Variants in SEPTIN10 observed in about 807,000 individuals in gnomAD.
SEPTIN10 encodes the protein septin 10.
In SEPTIN10, 66 loss-of-function variants were observed where a neutral mutation model predicts 54.8. The observed-to-expected ratio is 1.21, with a 90% confidence interval of 0.99 to 1.48. The LOEUF is 1.48. SEPTIN10 is among the 40% of genes most tolerant of loss of function. SEPTIN10 has a pLI of 0.00. For missense variants in SEPTIN10, 620 were observed against 545.6 expected (o/e 1.14, Z -1.36); for synonymous variants, 161 against 181.0 (o/e 0.89, Z 0.89).
intron 10 of SEPTIN10, chr2:109,545,778 T>C (rs1374081739): frequency 1.4e-6 from 2 of 1,428,304 alleles, no homozygotes; most frequent in South Asian, 1.6e-5. Context: ...CCCAGCTAAC[T>C]GATCCTTTTC....
rs541935651 is a variant in SEPTIN10 at position 109,609,019 on chromosome 2, TCTC to T, written c.30+4776_30+4778del. On this transcript the variant is annotated intron_variant, in intron 1 of 10. Transcript: ENST00000397712. Reference sequence around the variant, plus strand: ...GATTATAAAAATTTAAGAGCATCCTTCTCCTTCTTTCCCACAGACCAAAATATA... The same window carrying T: ...GATTATAAAAATTTAAGAGCATCCTTCTTCTTTCCCACAGACCAAAATATA... Among the ~76,000 whole-genome samples the T allele has an allele frequency of 2.7e-4, 41 of 152,326 alleles. No individual in the cohort carries two copies. The East Asian group carries it at 6.7e-3, about 25-fold the overall frequency.
rs1322795233 is a variant in SEPTIN10, at chr2:109,543,174, C to A, written c.*1135G>T. 6.6e-6 allele frequency: 1 copy of A among 152,494 alleles called. No individual in the cohort carries two copies. Among genetic ancestry groups the A allele is most frequent in the Non-Finnish European group, 1.5e-5 (1 of 68,006 alleles). 9.4% of individuals were successfully genotyped at this position (152,494 alleles called of 1,614,324 possible). A position where few individuals can be genotyped will look rare whatever the true frequency, so the allele number is the denominator to read the frequency against. ...ATATGAATTATGTGCATTTTTATAT[C>A]TTTAATATTCAGATGTTCATAGTTA... On this transcript the variant is annotated 3_prime_UTR_variant, in exon 11 of 11. Transcript: ENST00000397712.
rs141337868 is a variant in SEPTIN10, at chr2:109,564,233, T to A, written c.1028+133A>T. On this transcript the variant is annotated intron_variant, in intron 8 of 10. Transcript: ENST00000397712. The stretch of plus-strand genomic sequence containing the variant: ...GTGATTCAAGAAGCACAATAATTAG[T>A]CATTACCAAATGATTCTATATCATG... 1.0e-4 allele frequency: 81 copies of A among 775,438 alleles called. No individual in the cohort carries two copies. The East Asian group carries it at 2.4e-3, about 23-fold the overall frequency. 48.0% of individuals were successfully genotyped at this position (775,438 alleles called of 1,614,324 possible). A position where few individuals can be genotyped will look rare whatever the true frequency, so the allele number is the denominator to read the frequency against.
chr2:109,548,081 A>G (rs1681779963), intron 9 of SEPTIN10, among the ~76,000 whole-genome samples: 1 of 152,190 alleles, frequency 6.6e-6, no homozygotes, highest in Admixed American at 6.5e-5. Context: ...TAATGAGAGG[A>G]AATACAGATG....
At chr2:109,569,610 C>A (rs893120544) in intron 5 of SEPTIN10, among the ~76,000 whole-genome samples, 1 of 152,034 alleles carries the variant, frequency 6.6e-6, no homozygotes, top group Admixed American at 6.5e-5. Context: ...TTCCAGCAAT[C>A]CTAAGTAAAC....
chr2:109,548,399 G>A (rs891312362), intron 9 of SEPTIN10, among the ~76,000 whole-genome samples: 2 of 152,158 alleles, frequency 1.3e-5, no homozygotes, highest in African/African-American at 2.4e-5. Context: ...AGAAAAAGAC[G>A]ACATAGCTGG....
In SEPTIN10 at chr2:109,564,128, C is replaced by T. The variant is rs146645106; in HGVS notation, c.1028+238G>A. 1,012 of 378,152 alleles carry T rather than the reference C, an allele frequency of 2.7e-3. 6 individuals carry two copies. Among genetic ancestry groups the T allele is most frequent in the African/African-American group, 0.019 (910 of 48,338 alleles). The allele number at this position is 378,152 out of a possible 1,614,324, so 23.4% of individuals were successfully genotyped here. A position where few individuals can be genotyped will look rare whatever the true frequency, so the allele number is the denominator to read the frequency against. ...ACTGAAACAGGGGGCCTCTGCCATA[C>T]ATTCTTCATCATATTTAACTCTTTT... On this transcript the variant is annotated intron_variant, in intron 8 of 10. Transcript: ENST00000397712.
chr2:109,576,083 G>A (rs1395432977), intron 4 of SEPTIN10, among the ~76,000 whole-genome samples: 5 of 151,944 alleles, frequency 3.3e-5, no homozygotes, highest in Admixed American at 6.6e-5. Flanking sequence ...AACACAGCGA[G>A]ACCCCCATCT....
At chr2:109,566,817 T>C (rs1687140381) in intron 6 of SEPTIN10, among the ~76,000 whole-genome samples, 1 of 152,166 alleles carries the variant, frequency 6.6e-6, no homozygotes, top group African/African-American at 2.4e-5. Context: ...AGTAGACTGG[T>C]CTGTCTGAAG....
intron 10 of SEPTIN10, chr2:109,545,672 T>C (rs1298339967): frequency 1.4e-6 from 2 of 1,472,376 alleles, no homozygotes; most frequent in South Asian, 1.4e-5. Flanking sequence ...CAGCTTTATT[T>C]AGACATGAAA....
At chr2:109,572,851 G>T (rs1294700164) in intron 5 of SEPTIN10, among the ~76,000 whole-genome samples, 1 of 152,022 alleles carries the variant, frequency 6.6e-6, no homozygotes, top group Non-Finnish European at 1.5e-5. Flanking sequence ...TCCTGACCTT[G>T]TGATCCGCCT....
chr2:109,588,389 T>C (rs946497702), intron 2 of SEPTIN10, among the ~76,000 whole-genome samples: 1 of 152,176 alleles, frequency 6.6e-6, no homozygotes, highest in Admixed American at 6.5e-5. Flanking sequence ...ACAAAAACAA[T>C]GTGTTACAGG....
chr2:109,580,443 C>G (rs1461619330), intron 4 of SEPTIN10, among the ~76,000 whole-genome samples: 1 of 149,842 alleles, frequency 6.7e-6, no homozygotes, highest in Non-Finnish European at 1.5e-5. Flanking sequence ...TTTATTTTAT[C>G]TAAAACAAAA....
At position 109,562,050 on chromosome 2, in the gene SEPTIN10, C is replaced by T. The variant is rs535795562; in HGVS notation, c.1028+2316G>A. Among the ~76,000 whole-genome samples the T allele has an allele frequency of 4.0e-5, 6 of 151,634 alleles. 1 individual carries two copies. Among genetic ancestry groups the T allele is most frequent in the African/African-American group, 1.5e-4 (6 of 41,338 alleles). On this transcript the variant is annotated intron_variant, in intron 8 of 10. Transcript: ENST00000397712. ...ACATGGTGAAACCCTGTCTCTACTA[C>T]AAAAACACAAAAATTAGCTGGGGGT...
At chr2:109,595,309 C>T (rs1248332840) in intron 1 of SEPTIN10, among the ~76,000 whole-genome samples, 4 of 152,178 alleles carry the variant, frequency 2.6e-5, no homozygotes, top group African/African-American at 9.7e-5. Context: ...TGTGTTTTTA[C>T]AATCTAAAAG....
chr2:109,557,002 C>G (rs1684525426), intron 8 of SEPTIN10, among the ~76,000 whole-genome samples: 1 of 152,016 alleles, frequency 6.6e-6, no homozygotes, highest in Non-Finnish European at 1.5e-5. Flanking sequence ...AGGGGAACAT[C>G]ACACACCGGA....
chr2:109,558,821 T>C (rs977154207), intron 8 of SEPTIN10, among the ~76,000 whole-genome samples: 19 of 152,182 alleles, frequency 1.2e-4, no homozygotes, highest in Non-Finnish European at 1.9e-4. Flanking sequence ...GGACAGATTT[T>C]ACATGCCAAC....
intron 2 of SEPTIN10, among the ~76,000 whole-genome samples, chr2:109,589,205 C>A (rs778133800): frequency 4.0e-5 from 6 of 151,880 alleles, no homozygotes; most frequent in Non-Finnish European, 7.4e-5. Context: ...TGCAGTCGTG[C>A]GACCTTGGCA....
In SEPTIN10 at chr2:109,577,990, A is replaced by G. The variant is rs534332028; in HGVS notation, c.414-3223T>C. Among the ~76,000 whole-genome samples, 4 of 152,208 alleles carry G rather than the reference A, an allele frequency of 2.6e-5. No homozygotes were observed. In the South Asian group the frequency reaches 8.3e-4, roughly 32 times the overall value. On this transcript the variant is annotated intron_variant, in intron 4 of 10. Coordinates refer to ENST00000397712, the MANE Select transcript of SEPTIN10 (RefSeq NM_144710.5). ...CGGTTAAATGAAATTTAACTGTTCT[A>G]AATTTCATTTCATTGTCTATTTGTA...
Sources: gnomAD v4.1 joint callset for allele counts (sites outside exome capture counted in the v4.1 genomes callset) on GRCh38, gnomAD v4.1.1 for gene constraint, MANE v1.5 for transcripts, NCBI Gene and HGNC (gene_info 2026-07-23, HGNC 2026-07-21) for gene names.